Variants in LRP1B observed in about 807,000 individuals in gnomAD.
LRP1B encodes low-density lipoprotein receptor-related protein 1B.
A neutral mutation model predicts 556.6 loss-of-function variants in LRP1B; 217 were observed. That is an observed-to-expected ratio of 0.39 (90% CI 0.35 to 0.44). The LOEUF (loss-of-function observed/expected upper bound fraction) is 0.44. LRP1B is among the 20% of genes least tolerant of loss of function. LRP1B has a pLI of 1.00. For missense variants in LRP1B, 5,053 were observed against 5,620.8 expected (o/e 0.90, Z 3.23); for synonymous variants, 2,047 against 1,865.8 (o/e 1.10, Z -2.50).
At chr2:141,894,026 G>A in intron 1 of LRP1B, among the ~76,000 whole-genome samples, 1 of 151,628 alleles carries the variant, frequency 6.6e-6, no homozygotes. Context: ...TGTGTTACCA[G>A]TCTACCCTTC....
At chr2:140,403,398 T>A (rs994379291) in intron 66 of LRP1B, among the ~76,000 whole-genome samples, 4 of 151,916 alleles carry the variant, frequency 2.6e-5, no homozygotes, top group African/African-American at 9.7e-5. Flanking sequence ...GAATAAAAAA[T>A]TTTCGAGAGA....
intron 2 of LRP1B, among the ~76,000 whole-genome samples, chr2:141,486,931 G>A (rs566182378): frequency 3.3e-5 from 5 of 152,124 alleles, no homozygotes; most frequent in East Asian, 3.9e-4. Context: ...CTGTGGTCCC[G>A]GCCACAGTGA....
intron 1 of LRP1B, among the ~76,000 whole-genome samples, chr2:142,050,835 A>G (rs889820195): frequency 1.3e-5 from 2 of 152,164 alleles, no homozygotes; most frequent in African/African-American, 4.8e-5. Context: ...TATATAGGAA[A>G]TTAGGATACC....
intron 86 of LRP1B, among the ~76,000 whole-genome samples, chr2:140,261,349 G>A (rs1681927581): frequency 1.3e-5 from 2 of 151,736 alleles, no homozygotes; most frequent in South Asian, 4.1e-4. Flanking sequence ...ACAGACAAGG[G>A]AAATGGGACA....
chr2:141,388,254 G>C (rs1392741461), intron 3 of LRP1B, among the ~76,000 whole-genome samples: 1 of 152,034 alleles, frequency 6.6e-6, no homozygotes, highest in Non-Finnish European at 1.5e-5. Context: ...TGGCCAACAA[G>C]ATGAAACCCC....
At chr2:140,499,887 G>A (rs1380945998) in intron 55 of LRP1B, among the ~76,000 whole-genome samples, 1 of 151,882 alleles carries the variant, frequency 6.6e-6, no homozygotes, top group African/African-American at 2.4e-5. Context: ...ATAATTATTT[G>A]TAATGGTATG....
At chr2:141,569,138 G>A (rs1686441808) in intron 2 of LRP1B, among the ~76,000 whole-genome samples, 2 of 150,984 alleles carry the variant, frequency 1.3e-5, no homozygotes, top group South Asian at 4.2e-4. Context: ...AAGTAAATCA[G>A]ATACAGATTC....
intron 3 of LRP1B, among the ~76,000 whole-genome samples, chr2:141,377,082 A>C (rs966469175): frequency 1.2e-4 from 18 of 152,254 alleles, no homozygotes; most frequent in African/African-American, 4.3e-4. Flanking sequence ...TTCTTTCAAC[A>C]CATGTCTATA....
chr2:140,581,517 A>C (rs1029383516), intron 43 of LRP1B, among the ~76,000 whole-genome samples: 44 of 151,680 alleles, frequency 2.9e-4, no homozygotes, highest in African/African-American at 1.0e-3. Flanking sequence ...TTACAAATCT[A>C]ATCTGAACTG....
chr2:142,037,623 T>C (rs1410396385), intron 1 of LRP1B, among the ~76,000 whole-genome samples: 2 of 151,572 alleles, frequency 1.3e-5, no homozygotes, highest in African/African-American at 4.8e-5. Flanking sequence ...TCAGGGGAAA[T>C]GTACTCTCTG....
chr2:141,924,391 A>T (rs1700279729), intron 1 of LRP1B, among the ~76,000 whole-genome samples: 1 of 152,082 alleles, frequency 6.6e-6, no homozygotes, highest in Non-Finnish European at 1.5e-5. Flanking sequence ...CCACCATTCC[A>T]TAAAACCTCA....
intron 59 of LRP1B, 69 bp downstream of exon 59, chr2:140,485,274 A>C: frequency 8.6e-7 from 1 of 1,167,824 alleles, no homozygotes; most frequent in Non-Finnish European, 1.2e-6. Flanking sequence ...AATGATCTAT[A>C]GTACTAGATT....
intron 1 of LRP1B, among the ~76,000 whole-genome samples, chr2:141,906,732 T>G (rs551785089): frequency 6.6e-6 from 1 of 152,172 alleles, no homozygotes; most frequent in East Asian, 1.9e-4. Context: ...GTGTGTGTTT[T>G]GGTGTGTGCA....
intron 17 of LRP1B, among the ~76,000 whole-genome samples, chr2:140,985,913 A>G (rs1525586): frequency 0.35 from 53,512 of 151,594 alleles, 9,910 homozygotes; most frequent in East Asian, 0.59. Flanking sequence ...TTACATTTGA[A>G]ATTTCCTACA....
chr2:141,009,907 G>GATCTGA (rs923626966), intron 14 of LRP1B, among the ~76,000 whole-genome samples: 41 of 152,084 alleles, frequency 2.7e-4, no homozygotes, highest in African/African-American at 9.6e-4. Flanking sequence ...TGGTCAAACA[G>GATCTGA]ATCTGAATCT....
At chr2:141,870,350 G>T (rs1181604556) in intron 1 of LRP1B, among the ~76,000 whole-genome samples, 4 of 151,800 alleles carry the variant, frequency 2.6e-5, no homozygotes, top group African/African-American at 9.7e-5. Flanking sequence ...CTGCATCATT[G>T]ATTCTAGCCT....
intron 66 of LRP1B, among the ~76,000 whole-genome samples, chr2:140,386,883 G>T (rs16843884): frequency 0.088 from 13,364 of 151,940 alleles, 696 homozygotes; most frequent in Middle Eastern, 0.14. Flanking sequence ...GCTAAAACAG[G>T]GCTCCATTAA....
intron 3 of LRP1B, among the ~76,000 whole-genome samples, chr2:141,356,452 A>G (rs1274480318): frequency 1.3e-5 from 2 of 152,110 alleles, no homozygotes; most frequent in African/African-American, 4.8e-5. Context: ...ATGGACAGTC[A>G]AAAAAGTATG....
intron 27 of LRP1B, among the ~76,000 whole-genome samples, chr2:140,852,443 A>T (rs1692488674): frequency 6.6e-6 from 1 of 152,218 alleles, no homozygotes. Context: ...TAACCCAGAC[A>T]TTGGAAGTTG....
Sources: gnomAD v4.1 joint callset for allele counts (sites outside exome capture counted in the v4.1 genomes callset) on GRCh38, gnomAD v4.1.1 for gene constraint, MANE v1.5 for transcripts, NCBI Gene and HGNC (gene_info 2026-07-23, HGNC 2026-07-21) for gene names.